DCC: variants seen among roughly 807,000 people sequenced by gnomAD.
The protein encoded by DCC is DCC netrin 1 receptor.
Under a neutral mutation model 172.5 loss-of-function variants are expected in DCC, and 58 were observed. The observed-to-expected ratio is 0.34, with a 90% CI of 0.27 to 0.42. The LOEUF (loss-of-function observed/expected upper bound fraction) is 0.42, where lower values mean the gene tolerates loss of function less well. Ranked by LOEUF, DCC falls within the 10% of genes least tolerant of loss-of-function variation. The pLI, the probability that DCC is intolerant of heterozygous loss-of-function variation, is 1.00. For synonymous variants in DCC, 709 were observed against 644.5 expected, an observed-to-expected ratio of 1.10 and a Z score of -1.52; for missense variants, 1,740 against 1,791.0, an observed-to-expected ratio of 0.97 and a Z score of 0.51.
intron 22 of DCC, among the ~76,000 whole-genome samples, chr18:53,445,641 CTA>C (rs1338196850): frequency 3.3e-5 from 5 of 152,028 alleles, no homozygotes; most frequent in African/African-American, 1.2e-4. Context: ...TTTTGACAGT[CTA>C]TAAAATTTTT....
At chr18:53,165,149 A>G (rs1205581904) in intron 8 of DCC, among the ~76,000 whole-genome samples, 3 of 152,190 alleles carry the variant, frequency 2.0e-5, no homozygotes, top group Non-Finnish European at 2.9e-5. Flanking sequence ...AGGGACTGGT[A>G]TCTTCATTTT....
rs144298232 is a variant in DCC, at chr18:52,401,410, C to T, written c.91+60532C>T. ...GGTTTTATAAACCCCAGGATAAGGA[C>T]AGAACAAAATTCATATTCTAACCAT... On this transcript the variant is annotated intron_variant, in intron 1 of 28. Coordinates refer to ENST00000442544, the MANE Select transcript of DCC (RefSeq NM_005215.4). Among the ~76,000 whole-genome samples the T allele has an allele frequency of 6.6e-5, 10 of 152,108 alleles. No homozygotes were observed. The East Asian group carries it at 1.9e-3, about 30-fold the overall frequency.
chr18:52,563,459 T>C (rs1266967446), intron 1 of DCC, among the ~76,000 whole-genome samples: 1 of 152,166 alleles, frequency 6.6e-6, no homozygotes, highest in Non-Finnish European at 1.5e-5. Flanking sequence ...AATATTAGTA[T>C]GAACTCTGCG....
chr18:52,784,046 A>G (rs574106746), intron 2 of DCC, among the ~76,000 whole-genome samples: 2 of 152,088 alleles, frequency 1.3e-5, no homozygotes, highest in East Asian at 3.9e-4. Context: ...TTCCAACTGC[A>G]TATTTGTACC....
intron 9 of DCC, among the ~76,000 whole-genome samples, chr18:53,194,727 C>G (rs2144521120): frequency 6.6e-6 from 1 of 152,302 alleles, no homozygotes; most frequent in East Asian, 1.9e-4. Flanking sequence ...ACCTTGGCCT[C>G]CCAAAGTGCT....
chr18:53,304,579 C>A (rs2057177899), intron 12 of DCC, among the ~76,000 whole-genome samples: 1 of 152,048 alleles, frequency 6.6e-6, no homozygotes, highest in Non-Finnish European at 1.5e-5. Context: ...AGTTGAATAT[C>A]CCCAGAGGAT....
At chr18:53,121,785 A>G (rs893159023) in intron 7 of DCC, among the ~76,000 whole-genome samples, 2 of 151,926 alleles carry the variant, frequency 1.3e-5, no homozygotes, top group Non-Finnish European at 2.9e-5. Flanking sequence ...TTTTATGATT[A>G]AAAAATTACA....
At chr18:53,144,400 G>T in intron 7 of DCC, among the ~76,000 whole-genome samples, 1 of 152,162 alleles carries the variant, frequency 6.6e-6, no homozygotes, top group Non-Finnish European at 1.5e-5. Flanking sequence ...TTGACTCACA[G>T]TTCCACCTGG....
chr18:53,101,450 C>T (rs2043170999), intron 7 of DCC, among the ~76,000 whole-genome samples: 1 of 152,092 alleles, frequency 6.6e-6, no homozygotes, highest in South Asian at 2.1e-4. Context: ...GACCCTTTAA[C>T]AGCGGTGCTA....
At chr18:52,875,513 T>A (rs953762417) in intron 2 of DCC, among the ~76,000 whole-genome samples, 4 of 152,178 alleles carry the variant, frequency 2.6e-5, no homozygotes, top group Non-Finnish European at 5.9e-5. Flanking sequence ...GGAAGTTACG[T>A]AGAATGGTGG....
rs1238714406 is a variant in DCC, at chr18:53,426,326, A to AATTTTATGATATATATTTATAATAT, written c.3164-8796_3164-8772dup. Among the ~76,000 whole-genome samples the AATTTTATGATATATATTTATAATAT allele has an allele frequency of 3.5e-5, 5 of 143,048 alleles. No individual in the cohort carries two copies. The East Asian group carries it at 7.9e-4, about 22-fold the overall frequency. The allele number at this position is 143,048 out of a possible 152,430, so 93.8% of individuals were successfully genotyped here. Reference sequence around the variant, plus strand: ...TTATAATATATATTATATATTTATAAATTTTATGATATATATTTATAATAT... The same window carrying AATTTTATGATATATATTTATAATAT: ...TTATAATATATATTATATATTTATAAATTTTATGATATATATTTATAATATATTTTATGATATATATTTATAATAT... On this transcript the variant is annotated intron_variant, in intron 21 of 28. Coordinates refer to ENST00000442544, the MANE Select transcript of DCC (RefSeq NM_005215.4).
chr18:53,228,662 ATACTT>A (rs750940268), intron 12 of DCC, among the ~76,000 whole-genome samples: 8 of 152,296 alleles, frequency 5.3e-5, no homozygotes, highest in Admixed American at 1.3e-4. Flanking sequence ...TTTTCTGACT[ATACTT>A]AACTTTGATA....
intron 7 of DCC, among the ~76,000 whole-genome samples, chr18:53,116,293 G>C (rs1455331368): frequency 6.6e-6 from 1 of 151,742 alleles, no homozygotes; most frequent in African/African-American, 2.4e-5. Context: ...CTCCGTTACA[G>C]AATTTTTGGG....
At chr18:52,938,876 A>G (rs973257299) in intron 5 of DCC, among the ~76,000 whole-genome samples, 7 of 151,278 alleles carry the variant, frequency 4.6e-5, no homozygotes, top group Non-Finnish European at 8.8e-5. Flanking sequence ...CTCTTCCCCC[A>G]TCCAACTGCT....
At chr18:53,196,329 G>C (rs2055442450) in intron 9 of DCC, among the ~76,000 whole-genome samples, 2 of 152,092 alleles carry the variant, frequency 1.3e-5, no homozygotes, top group South Asian at 4.1e-4. Context: ...ACTACAATTT[G>C]CATTACTAAG....
intron 27 of DCC, among the ~76,000 whole-genome samples, chr18:53,516,299 TCA>T (rs2144568257): frequency 6.7e-6 from 1 of 148,328 alleles, no homozygotes; most frequent in East Asian, 2.0e-4. Flanking sequence ...AAAAATCAAT[TCA>T]AGATGGATTA....
At chr18:52,869,425 G>A (rs1872695037) in intron 2 of DCC, among the ~76,000 whole-genome samples, 1 of 152,180 alleles carries the variant, frequency 6.6e-6, no homozygotes, top group African/African-American at 2.4e-5. Flanking sequence ...TGGAGGAAGT[G>A]TGCCTGCATT....
intron 3 of DCC, among the ~76,000 whole-genome samples, chr18:52,919,345 A>G (rs1324911412): frequency 6.6e-6 from 1 of 152,230 alleles, no homozygotes; most frequent in Non-Finnish European, 1.5e-5. Flanking sequence ...TTAATCTAGC[A>G]CAAAGTTGTA....
chr18:52,968,297 G>T (rs1411692191), intron 5 of DCC, among the ~76,000 whole-genome samples: 1 of 152,114 alleles, frequency 6.6e-6, no homozygotes, highest in Admixed American at 6.6e-5. Flanking sequence ...CTAATAGTGA[G>T]GGTGTTGAAG....
Sources: gnomAD v4.1 joint callset for allele counts (sites outside exome capture counted in the v4.1 genomes callset) on GRCh38, gnomAD v4.1.1 for gene constraint, MANE v1.5 for transcripts, NCBI Gene and HGNC (gene_info 2026-07-23, HGNC 2026-07-21) for gene names.